Variants in NTRK2 observed in about 807,000 individuals in gnomAD.
The protein encoded by NTRK2 is BDNF/NT-3 growth factors receptor.
In NTRK2, 13 loss-of-function variants were observed where a neutral mutation model predicts 94.5. The ratio of observed to expected loss-of-function variants is 0.14; its 90% CI spans 0.09 to 0.22. NTRK2 has a LOEUF of 0.22. Among genes scored for constraint, NTRK2 ranks in the 10% least tolerant of loss-of-function variants. NTRK2 has a pLI of 1.00. For missense variants in NTRK2, 639 were observed against 1,071.2 expected, an observed-to-expected ratio of 0.60 and a Z score of 5.63; for synonymous variants, 372 against 407.4, an observed-to-expected ratio of 0.91 and a Z score of 1.05.
At chr9:84,709,959 C>CTGTGTGTGTGTGTG (rs1491578776) in intron 5 of NTRK2, among the ~76,000 whole-genome samples, 6 of 116,496 alleles carry the variant, frequency 5.2e-5, no homozygotes, top group African/African-American at 1.8e-4. Flanking sequence ...GAATAGCTTG[C>CTGTGTGTGTGTGTG]TCTGTGTGTG....
rs143407031 is a variant in NTRK2, at chr9:84,870,723, A to C, written c.1633+3292A>C. 7.6e-3 allele frequency among the ~76,000 whole-genome samples: 1,164 copies of C among 152,190 alleles called. 5 individuals carry two copies. Among genetic ancestry groups the C allele is most frequent in the Non-Finnish European group, 0.012 (845 of 67,994 alleles). On this transcript the variant is annotated intron_variant, in intron 14 of 18. Coordinates refer to ENST00000277120, the MANE Select transcript of NTRK2 (RefSeq NM_006180.6). ...GAAGTTGCAATGATAAAAACATTTG[A>C]GAAGATCTCAGAGAGAGTTTAGAAC...
At chr9:84,742,072 A>G in intron 10 of NTRK2, 145 bp downstream of exon 10, 1 of 733,238 alleles carries the variant, frequency 1.4e-6, no homozygotes, top group South Asian at 1.7e-5. Context: ...TCAAAAAATC[A>G]TTCAATATTG....
intron 6 of NTRK2, among the ~76,000 whole-genome samples, chr9:84,718,238 A>G (rs1190622380): frequency 1.3e-5 from 2 of 152,300 alleles, no homozygotes; most frequent in South Asian, 2.1e-4. Flanking sequence ...CCCGACACTT[A>G]TGGTCTAAAT....
At chr9:84,880,430 T>C (rs2076220446) in intron 14 of NTRK2, among the ~76,000 whole-genome samples, 3 of 152,228 alleles carry the variant, frequency 2.0e-5, no homozygotes, top group Admixed American at 2.0e-4. Flanking sequence ...CTTATGAGCA[T>C]CGCAGAGGAC....
At chr9:84,755,525 C>CTTTTTTTTTTTTTTTTTTT (rs745611460) in intron 12 of NTRK2, among the ~76,000 whole-genome samples, 1 of 60,644 alleles carries the variant, frequency 1.6e-5, no homozygotes, top group East Asian at 4.9e-4. Context: ...AGTCCCACCT[C>CTTTTTTTTTTTTTTTTTTT]TTTTTTTTTT....
chr9:84,899,200 T>C (rs892237268), intron 14 of NTRK2, among the ~76,000 whole-genome samples: 3 of 152,238 alleles, frequency 2.0e-5, no homozygotes, highest in African/African-American at 7.2e-5. Flanking sequence ...ATGAAATATG[T>C]GTTTATTTAA....
At chr9:84,896,548 G>A (rs761990252) in intron 14 of NTRK2, among the ~76,000 whole-genome samples, 3 of 152,214 alleles carry the variant, frequency 2.0e-5, no homozygotes, top group Admixed American at 1.3e-4. Flanking sequence ...TTAGTGTCCT[G>A]AAGGATTCTG....
intron 15 of NTRK2, among the ~76,000 whole-genome samples, chr9:84,946,217 A>G (rs1030011518): frequency 4.6e-5 from 7 of 152,222 alleles, no homozygotes; most frequent in African/African-American, 1.7e-4. Flanking sequence ...GACTGACTGT[A>G]GTCTCCCTGG....
At chr9:84,970,215 G>A (rs533201512) in intron 17 of NTRK2, among the ~76,000 whole-genome samples, 4 of 152,010 alleles carry the variant, frequency 2.6e-5, no homozygotes, top group African/African-American at 9.6e-5. Flanking sequence ...TGGTCAACAT[G>A]GCAAAACCCC....
chr9:84,931,803 C>T (rs558972436), intron 14 of NTRK2, among the ~76,000 whole-genome samples: 2 of 150,922 alleles, frequency 1.3e-5, no homozygotes, highest in Admixed American at 1.3e-4. Context: ...GAATTTAATT[C>T]CCAATGAACA....
chr9:84,998,734 C>G (rs1830035514), intron 17 of NTRK2, among the ~76,000 whole-genome samples: 1 of 152,156 alleles, frequency 6.6e-6, no homozygotes, highest in Non-Finnish European at 1.5e-5. Flanking sequence ...CGCCCACCCA[C>G]CTGCCAACAT....
At chr9:84,928,607 T>C (rs1221324694) in intron 14 of NTRK2, among the ~76,000 whole-genome samples, 2 of 152,218 alleles carry the variant, frequency 1.3e-5, no homozygotes, top group Non-Finnish European at 2.9e-5. Flanking sequence ...ACCTGAATCC[T>C]AGCTGGGTCA....
chr9:84,934,892 T>A (rs1462823068), intron 15 of NTRK2, among the ~76,000 whole-genome samples: 1 of 152,126 alleles, frequency 6.6e-6, no homozygotes, highest in Non-Finnish European at 1.5e-5. Context: ...CTGAAAGTCC[T>A]CCATCATAGT....
chr9:84,701,849 G>A (rs1027311028), intron 2 of NTRK2, among the ~76,000 whole-genome samples: 1 of 152,148 alleles, frequency 6.6e-6, no homozygotes, highest in Non-Finnish European at 1.5e-5. Context: ...GCATTTCCAC[G>A]GTGTTTTCAC....
chr9:84,810,405 T>G lies in NTRK2; in HGVS notation c.1397-50635T>G, dbSNP rs538922705. On this transcript the variant is annotated intron_variant, in intron 12 of 18. Transcript: ENST00000277120. ...CTGTTATTATATATTGCTCTATGGT[T>G]TAAAGTGTATTCCATGTTGTGTCTC... The G allele has an allele frequency of 1.2e-4, 102 of 836,974 alleles. 1 individual carries two copies. The African/African-American group carries it at 1.3e-3, about 11-fold the overall frequency. The allele number at this position is 836,974 out of a possible 1,614,324, so 51.8% of individuals were successfully genotyped here. A position where few individuals can be genotyped will look rare whatever the true frequency, so the allele number is the denominator to read the frequency against.
intron 15 of NTRK2, among the ~76,000 whole-genome samples, chr9:84,935,614 G>A (rs563299036): frequency 2.6e-5 from 4 of 152,146 alleles, no homozygotes; most frequent in Non-Finnish European, 4.4e-5. Flanking sequence ...TGGACAAATG[G>A]AGGGGGAGAG....
intron 12 of NTRK2, among the ~76,000 whole-genome samples, chr9:84,810,090 TA>T (rs1485738694): frequency 1.3e-5 from 2 of 152,120 alleles, no homozygotes; most frequent in African/African-American, 4.8e-5. Flanking sequence ...CCCCCACCCA[TA>T]AAGACAAATA....
intron 4 of NTRK2, among the ~76,000 whole-genome samples, chr9:84,704,566 AAT>A (rs1421402359): frequency 2.0e-5 from 3 of 152,100 alleles, no homozygotes; most frequent in Non-Finnish European, 4.4e-5. Flanking sequence ...TATAAAGTCA[AAT>A]ATCTCTCCCT....
chr9:84,755,985 T>C (rs2065052634), intron 12 of NTRK2, among the ~76,000 whole-genome samples: 1 of 152,148 alleles, frequency 6.6e-6, no homozygotes, highest in South Asian at 2.1e-4. Context: ...TTTTGGTTGA[T>C]ATGTAGCTAC....
Sources: gnomAD v4.1 joint callset for allele counts (sites outside exome capture counted in the v4.1 genomes callset) on GRCh38, gnomAD v4.1.1 for gene constraint, MANE v1.5 for transcripts, NCBI Gene and HGNC (gene_info 2026-07-23, HGNC 2026-07-21) for gene names.